Variants in CCDC12 observed in about 807,000 individuals in gnomAD.
CCDC12 encodes coiled-coil domain-containing protein 12.
Under a neutral mutation model 25.7 loss-of-function variants are expected in CCDC12, and 28 were observed. The ratio of observed to expected loss-of-function variants is 1.09; its 90% CI spans 0.81 to 1.50. CCDC12 has a LOEUF of 1.50. CCDC12 is among the 40% of genes most tolerant of loss of function. The pLI is 0.00. For missense variants in CCDC12, 198 were observed against 210.0 expected (o/e 0.94, Z 0.35); for synonymous variants, 75 against 87.7 (o/e 0.86, Z 0.81).
intron 5 of CCDC12, chr3:46,922,677 G>C: frequency 2.9e-6 from 1 of 350,238 alleles, no homozygotes; most frequent in South Asian, 3.2e-5. Context: ...CACCGGCCCA[G>C]CCCCTCCACT....
At chr3:46,978,158 G>A (rs2035062526), upstream of CCDC12, among the ~76,000 whole-genome samples, 1 of 152,176 alleles carries the variant, frequency 6.6e-6, no homozygotes, top group African/African-American at 2.4e-5. Context: ...GCCACAGACT[G>A]CAGATCTAGC....
chr3:46,976,909 C>T (rs895884553), upstream of CCDC12: 8 of 1,089,036 alleles, frequency 7.3e-6, no homozygotes, highest in African/African-American at 1.6e-5. Flanking sequence ...CCCCGCCCCG[C>T]CCCGCCCTTA....
At chr3:46,967,142 G>A (rs1317426237) in intron 1 of CCDC12, among the ~76,000 whole-genome samples, 1 of 152,066 alleles carries the variant, frequency 6.6e-6, no homozygotes, top group African/African-American at 2.4e-5. Context: ...AGTCATCTCT[G>A]GCTTAATGTG....
chr3:46,961,058 G>A (rs2034448355), intron 1 of CCDC12, among the ~76,000 whole-genome samples: 1 of 151,642 alleles, frequency 6.6e-6, no homozygotes, highest in Admixed American at 6.6e-5. Context: ...GTGGGGTAGG[G>A]CCTGGGGTGT....
At chr3:46,936,610 G>A (rs1349581511) in intron 2 of CCDC12, among the ~76,000 whole-genome samples, 1 of 152,194 alleles carries the variant, frequency 6.6e-6, no homozygotes, top group Non-Finnish European at 1.5e-5. Context: ...CCCGGGAACT[G>A]CTTCCAAAGC....
chr3:46,957,960 T>TACACACACACACACACACACAC (rs367926661), intron 1 of CCDC12, among the ~76,000 whole-genome samples: 10 of 64,742 alleles, frequency 1.5e-4, no homozygotes, highest in Non-Finnish European at 1.9e-4. Context: ...AAAAAATAAA[T>TACACACACACACACACACACAC]ACACACACAC....
intron 1 of CCDC12, among the ~76,000 whole-genome samples, chr3:46,969,964 G>A (rs1188682281): frequency 2.0e-5 from 3 of 149,746 alleles, no homozygotes; most frequent in East Asian, 1.9e-4. Flanking sequence ...GTGCAGTGAC[G>A]TGATCTCAGC....
chr3:46,951,798 A>AAAAAAAAAAAAAAAAAAAAT, intron 1 of CCDC12, among the ~76,000 whole-genome samples: 3 of 8,468 alleles, frequency 3.5e-4, no homozygotes, highest in Non-Finnish European at 8.4e-4. Flanking sequence ...AAAAAAAAAA[A>AAAAAAAAAAAAAAAAAAAAT]ATATATATAT....
Position 46,931,815 on chromosome 3 carries a change from C to T in CCDC12, c.165-6280G>A, listed in dbSNP as rs539273931. On this transcript the variant is annotated intron_variant, in intron 2 of 6. Coordinates refer to ENST00000683445, the MANE Select transcript of CCDC12 (RefSeq NM_001277074.2). ...GATGCGCCTGCAGGCCTTGCAGAGG[C>T]CACCACTGACCAGAGAGACTGGCAA... Among the ~76,000 whole-genome samples the T allele has an allele frequency of 2.0e-5, 3 of 152,356 alleles. No individual in the cohort carries two copies. In the East Asian group the frequency reaches 5.8e-4, roughly 29 times the overall value.
chr3:46,970,071 A>G (rs1483462066), intron 1 of CCDC12, among the ~76,000 whole-genome samples: 1 of 151,750 alleles, frequency 6.6e-6, no homozygotes, highest in Non-Finnish European at 1.5e-5. Context: ...TTCCAGGTTA[A>G]TTTTTTGTAT....
rs190515227 is a variant in CCDC12 at position 46,942,512 on chromosome 3, G to A, written c.97-1447C>T. 2.6e-5 allele frequency among the ~76,000 whole-genome samples: 4 copies of A among 152,330 alleles called. No homozygotes were observed. The East Asian group carries it at 7.7e-4, about 29-fold the overall frequency. On this transcript the variant is annotated intron_variant, in intron 1 of 6. Coordinates refer to ENST00000683445, the MANE Select transcript of CCDC12 (RefSeq NM_001277074.2). ...ACAGCTACTTGAACTACCTTTCCTA[G>A]ACATTTATTTATGCCATTGACAACT...
At chr3:46,966,486 A>T (rs1212165525) in intron 1 of CCDC12, among the ~76,000 whole-genome samples, 1 of 152,068 alleles carries the variant, frequency 6.6e-6, no homozygotes, top group East Asian at 1.9e-4. Context: ...ACTGCACCCC[A>T]GCCTGGGCGA....
At chr3:46,977,379 A>T (rs1164965540), upstream of CCDC12, among the ~76,000 whole-genome samples, 1 of 151,500 alleles carries the variant, frequency 6.6e-6, no homozygotes, top group East Asian at 1.9e-4. Flanking sequence ...AGGCTGAGGC[A>T]GGAGAATCGC....
At chr3:46,972,698 C>T (rs2034840133) in intron 1 of CCDC12, among the ~76,000 whole-genome samples, 1 of 150,972 alleles carries the variant, frequency 6.6e-6, no homozygotes, top group Non-Finnish European at 1.5e-5. Context: ...TTTTTGGAGG[C>T]CAAGGCAGGA....
At chr3:46,976,240 T>C in intron 1 of CCDC12, 1 of 926,946 alleles carries the variant, frequency 1.1e-6, no homozygotes, top group Non-Finnish European at 1.3e-6. Context: ...GGGGAGTCTG[T>C]CTGACTCAGA....
chr3:46,940,876 G>C, intron 2 of CCDC12, 122 bp downstream of exon 2: 2 of 945,252 alleles, frequency 2.1e-6, no homozygotes, highest in South Asian at 2.7e-5. Context: ...GGACAGCCAT[G>C]GGCAGAAAGA....
At chr3:46,936,827 ACC>A (rs2033462349) in intron 2 of CCDC12, among the ~76,000 whole-genome samples, 2 of 152,134 alleles carry the variant, frequency 1.3e-5, no homozygotes, top group Non-Finnish European at 2.9e-5. Context: ...AGGCAGATGG[ACC>A]CTGCTCTCTG....
chr3:46,963,418 G>GTCTCCC (rs1559563642), intron 1 of CCDC12, among the ~76,000 whole-genome samples: 6 of 20,312 alleles, frequency 3.0e-4, no homozygotes, highest in Non-Finnish European at 2.0e-3. Context: ...TCTCCTCACG[G>GTCTCCC]TCTCCCTCTC....
At chr3:46,944,932 C>G (rs1286897757) in intron 1 of CCDC12, among the ~76,000 whole-genome samples, 2 of 152,202 alleles carry the variant, frequency 1.3e-5, no homozygotes, top group Admixed American at 6.5e-5. Context: ...TTACACCCCA[C>G]ATTTTGTCTC....
Sources: allele counts gnomAD v4.1 joint callset (sites outside exome capture counted in the v4.1 genomes callset), GRCh38; gene constraint gnomAD v4.1.1; transcripts MANE v1.5; gene names NCBI Gene and HGNC (gene_info 2026-07-23, HGNC 2026-07-21).